The following CNTNAP2 variants were observed in gnomAD, a reference collection of about 807,000 sequenced individuals.
The protein encoded by CNTNAP2 is contactin associated protein 2.
A neutral mutation model predicts 155.2 loss-of-function variants in CNTNAP2; 98 were observed. That is an observed-to-expected ratio of 0.63 (90% CI 0.54 to 0.75). The LOEUF is 0.75. CNTNAP2 is among the 30% of genes least tolerant of loss of function. The pLI, the probability that CNTNAP2 is intolerant of heterozygous loss-of-function variation, is 0.00. For missense variants in CNTNAP2, 1,727 were observed against 1,688.1 expected, an observed-to-expected ratio of 1.02 and a Z score of -0.40; for synonymous variants, 651 against 631.2, an observed-to-expected ratio of 1.03 and a Z score of -0.47.
intron 1 of CNTNAP2, among the ~76,000 whole-genome samples, chr7:146,773,403 T>C (rs548548872): frequency 6.6e-6 from 1 of 152,322 alleles, no homozygotes; most frequent in African/African-American, 2.4e-5. Context: ...TCTTTCTTTC[T>C]TTGATTTTTG....
intron 1 of CNTNAP2, among the ~76,000 whole-genome samples, chr7:146,128,568 A>G (rs948412217): frequency 6.6e-6 from 1 of 152,318 alleles, no homozygotes; most frequent in South Asian, 2.1e-4. Flanking sequence ...ACTTTTATAG[A>G]TAGCCAACTA....
intron 1 of CNTNAP2, among the ~76,000 whole-genome samples, chr7:146,461,413 A>AT (rs1796634624): frequency 1.3e-5 from 2 of 148,932 alleles, no homozygotes; most frequent in African/African-American, 5.1e-5. Flanking sequence ...TCAAAAAAAA[A>AT]AAATATAATA....
intron 13 of CNTNAP2, among the ~76,000 whole-genome samples, chr7:147,750,912 C>T (rs375917710): frequency 6.6e-6 from 1 of 151,936 alleles, no homozygotes; most frequent in Admixed American, 6.6e-5. Context: ...TGGTGGTGGG[C>T]GCCTGAAGTC....
rs554098789 is a variant in CNTNAP2 at position 146,291,637 on chromosome 7, A to G, written c.97+174664A>G. Among the ~76,000 whole-genome samples the G allele has an allele frequency of 7.9e-5, 12 of 152,334 alleles. No homozygotes were observed. In the East Asian group the frequency reaches 2.1e-3, roughly 27 times the overall value. On this transcript the variant is annotated intron_variant, in intron 1 of 23. Transcript: ENST00000361727. ...CAACACCTGCTTAAGTACTTGACAC[A>G]TAGATCTGCACAGAATGAGTAACAG... is the stretch of plus-strand genomic sequence containing the variant.
intron 1 of CNTNAP2, among the ~76,000 whole-genome samples, chr7:146,623,826 C>T (rs1009814761): frequency 6.6e-6 from 1 of 152,072 alleles, no homozygotes; most frequent in African/African-American, 2.4e-5. Context: ...GCTAAATTGT[C>T]TTGCAAGGTG....
chr7:146,408,110 C>T (rs1280083931), intron 1 of CNTNAP2, among the ~76,000 whole-genome samples: 1 of 152,086 alleles, frequency 6.6e-6, no homozygotes, highest in Admixed American at 6.6e-5. Flanking sequence ...GTCAGAACCA[C>T]AATCCCCATT....
chr7:147,457,880 G>C (rs1413213763), intron 10 of CNTNAP2, among the ~76,000 whole-genome samples: 1 of 152,006 alleles, frequency 6.6e-6, no homozygotes, highest in Non-Finnish European at 1.5e-5. Context: ...TCTTGAAGTT[G>C]ACCAGTTTTT....
chr7:147,053,675 T>G (rs1016883189), intron 4 of CNTNAP2, among the ~76,000 whole-genome samples: 1 of 152,120 alleles, frequency 6.6e-6, no homozygotes, highest in African/African-American at 2.4e-5. Flanking sequence ...TGAATAACAG[T>G]ATACTTTCTA....
intron 21 of CNTNAP2, among the ~76,000 whole-genome samples, chr7:148,307,577 C>G (rs754222804): frequency 2.6e-5 from 4 of 152,196 alleles, no homozygotes; most frequent in Non-Finnish European, 5.9e-5. Context: ...TTCCCCTTTT[C>G]ACGGGCTTTA....
intron 14 of CNTNAP2, among the ~76,000 whole-genome samples, chr7:147,919,344 C>T (rs577641109): frequency 3.3e-5 from 5 of 151,822 alleles, no homozygotes; most frequent in Admixed American, 6.6e-5. Flanking sequence ...TGCAGTGGCG[C>T]GATCACAACT....
At chr7:146,954,165 C>T (rs1797384665) in intron 3 of CNTNAP2, among the ~76,000 whole-genome samples, 3 of 151,856 alleles carry the variant, frequency 2.0e-5, no homozygotes, top group Admixed American at 1.3e-4. Flanking sequence ...GCAATAAAAT[C>T]GTGTTAACTT....
At chr7:146,224,840 C>G (rs1360283306) in intron 1 of CNTNAP2, among the ~76,000 whole-genome samples, 1 of 152,144 alleles carries the variant, frequency 6.6e-6, no homozygotes, top group Non-Finnish European at 1.5e-5. Context: ...GTTTTGATCT[C>G]AGAATTTCCT....
At chr7:148,073,397 C>A (rs915669400) in intron 15 of CNTNAP2, among the ~76,000 whole-genome samples, 7 of 152,100 alleles carry the variant, frequency 4.6e-5, no homozygotes, top group African/African-American at 7.2e-5. Context: ...AAAAATAATT[C>A]ATCAGTTTTA....
At position 147,462,518 on chromosome 7, in the gene CNTNAP2, T is replaced by C. The variant is rs1380239288; in HGVS notation, c.1671-23417T>C. Among the ~76,000 whole-genome samples, 3 of 152,212 alleles carry C rather than the reference T, an allele frequency of 2.0e-5. No homozygotes were observed. The East Asian group carries it at 5.8e-4, about 29-fold the overall frequency. ...TTTCATGTTTTGATTTGAATGTATG[T>C]TCTCAAATGGAGCCCTAAAGATATC... On this transcript the variant is annotated intron_variant, in intron 10 of 23. Transcript: ENST00000361727.
chr7:147,074,099 T>C (rs900612457), intron 4 of CNTNAP2, among the ~76,000 whole-genome samples: 1 of 152,198 alleles, frequency 6.6e-6, no homozygotes, highest in Admixed American at 6.5e-5. Context: ...TTTCATTCTA[T>C]TCACCCTGGC....
At chr7:147,330,621 G>A (rs1324816646) in intron 9 of CNTNAP2, among the ~76,000 whole-genome samples, 1 of 152,148 alleles carries the variant, frequency 6.6e-6, no homozygotes, top group African/African-American at 2.4e-5. Context: ...TAACCAGTTG[G>A]TGTGTAGAAA....
At chr7:147,021,448 T>C (rs1798816001) in intron 3 of CNTNAP2, among the ~76,000 whole-genome samples, 1 of 152,188 alleles carries the variant, frequency 6.6e-6, no homozygotes, top group South Asian at 2.1e-4. Context: ...CTTTGTATGA[T>C]ATATTTCTCA....
At chr7:147,900,097 T>C (rs17236877) in intron 13 of CNTNAP2, among the ~76,000 whole-genome samples, 28,604 of 152,048 alleles carry the variant, frequency 0.19, 3,198 homozygotes, top group Middle Eastern at 0.32. Flanking sequence ...TAGACTTCAC[T>C]ATGAAATCTG....
At chr7:146,897,066 T>C (rs185445437) in intron 3 of CNTNAP2, among the ~76,000 whole-genome samples, 2 of 147,980 alleles carry the variant, frequency 1.4e-5, no homozygotes, top group East Asian at 1.9e-4. Flanking sequence ...AGTTTCATAT[T>C]GAACACAAGT....
Sources: gnomAD v4.1 joint callset for allele counts (sites outside exome capture counted in the v4.1 genomes callset) on GRCh38, gnomAD v4.1.1 for gene constraint, MANE v1.5 for transcripts, NCBI Gene and HGNC (gene_info 2026-07-23, HGNC 2026-07-21) for gene names.